AK7: variants seen among roughly 807,000 people sequenced by gnomAD.
AK7 encodes the protein adenylate kinase 7.
Under a neutral mutation model 96.6 loss-of-function variants are expected in AK7, and 78 were observed. That is an observed-to-expected ratio of 0.81 (90% CI 0.67 to 0.97). The LOEUF (loss-of-function observed/expected upper bound fraction) is 0.97. AK7 is among the 50% of genes least tolerant of loss of function. The probability of loss-of-function intolerance (pLI) is 0.00; values close to 1 mark genes in which losing one functional copy is unlikely to be tolerated. For synonymous variants in AK7, 302 were observed against 317.2 expected (o/e 0.95, Z 0.51); for missense variants, 855 against 887.9 (o/e 0.96, Z 0.47).
chr14:96,442,918 C>A, intron 7 of AK7, 100 bp downstream of exon 7: 1 of 1,047,786 alleles, frequency 9.5e-7, no homozygotes, highest in Admixed American at 1.8e-5. Flanking sequence ...AAGACCCTTA[C>A]ATGGATTATT....
intron 7 of AK7, among the ~76,000 whole-genome samples, chr14:96,444,026 C>T (rs1488006903): frequency 8.5e-5 from 13 of 152,158 alleles, no homozygotes; most frequent in Admixed American, 8.5e-4. Context: ...CCACCCGCCT[C>T]AGCCTCCCAA....
At chr14:96,412,571 C>CTT (rs772179426) in intron 4 of AK7, among the ~76,000 whole-genome samples, 3 of 137,576 alleles carry the variant, frequency 2.2e-5, no homozygotes, top group Non-Finnish European at 3.2e-5. Flanking sequence ...CCTTGCAGTA[C>CTT]TTTTTTTTTT....
At chr14:96,442,839 G>T (rs368705547) in intron 7 of AK7, 21 bp downstream of exon 7, 2 of 1,601,232 alleles carry the variant, frequency 1.2e-6, no homozygotes, top group Non-Finnish European at 8.6e-7. Context: ...GCCCAGAGAC[G>T]TGACCTTCAC....
chr14:96,458,063 A>C lies in AK7; in HGVS notation c.1228-20A>C, dbSNP rs1894031703. The C allele has an allele frequency of 6.2e-7, 1 of 1,610,444 alleles. No individual in the cohort carries two copies. The highest frequency in any genetic ancestry group is 8.5e-7 in the Non-Finnish European group (1 of 1,178,558). ...TGGATGTGGGGCATCATCCAATGTG[A>C]ATATCCCTGTGGTATGCAGGAGGCG... On this transcript the variant is annotated intron_variant, in intron 11 of 17. Coordinates refer to ENST00000267584, the MANE Select transcript of AK7 (RefSeq NM_152327.5).
Position 96,430,272 on chromosome 14 carries a change from G to A in AK7, c.610-7563G>A, listed in dbSNP as rs558786107. Among the ~76,000 whole-genome samples the A allele has an allele frequency of 8.9e-5, 13 of 146,708 alleles. No individual in the cohort carries two copies. In the South Asian group the frequency reaches 2.4e-3, roughly 27 times the overall value. ...GCTATCTCGGCTCACTGCAAGCTCC[G>A]CCTCCTGGGTTCATGCCATTCTCCT... is the stretch of plus-strand genomic sequence containing the variant. On this transcript the variant is annotated intron_variant, in intron 5 of 17. Transcript: ENST00000267584.
chr14:96,432,072 G>T, intron 5 of AK7, among the ~76,000 whole-genome samples: 1 of 151,890 alleles, frequency 6.6e-6, no homozygotes, highest in East Asian at 1.9e-4. Flanking sequence ...AGTACAATTT[G>T]ACTTCCTCTT....
intron 5 of AK7, among the ~76,000 whole-genome samples, chr14:96,428,073 C>T (rs1262714798): frequency 1.3e-5 from 2 of 152,084 alleles, no homozygotes; most frequent in African/African-American, 4.8e-5. Flanking sequence ...ATTAATTCGT[C>T]ATTTACATTA....
At chr14:96,427,959 A>C (rs1233009430) in intron 5 of AK7, among the ~76,000 whole-genome samples, 1 of 151,816 alleles carries the variant, frequency 6.6e-6, no homozygotes, top group African/African-American at 2.4e-5. Flanking sequence ...AGCTTTGAAA[A>C]CCTGTTTACT....
intron 5 of AK7, among the ~76,000 whole-genome samples, chr14:96,431,016 C>T (rs556042544): frequency 1.3e-5 from 2 of 152,156 alleles, no homozygotes; most frequent in East Asian, 3.9e-4. Flanking sequence ...GTGTATGTGT[C>T]CAGGAATTTA....
Position 96,456,400 on chromosome 14 carries a change from T to C in AK7, c.1152T>C (p.Ala384=). The change falls in exon 11 of 18, where the codon GCT becomes GCC. Residue 384 remains alanine, a synonymous_variant. Transcript: ENST00000267584. ...CTGCTGTGGGAAAATCCAGTATTGC[T>C]AAAGAATTGGCCAACTACTACAAAC... ...GPPAVGKSSI[A]KELANYYKLH... The C allele has an allele frequency of 6.2e-7, 1 of 1,613,946 alleles. No homozygotes were observed.
intron 12 of AK7, among the ~76,000 whole-genome samples, chr14:96,469,086 T>TGAG (rs1198145630): frequency 1.3e-5 from 2 of 152,204 alleles, no homozygotes; most frequent in African/African-American, 4.8e-5. Flanking sequence ...TCTTAATTAC[T>TGAG]GAGCACTTTC....
intron 12 of AK7, among the ~76,000 whole-genome samples, chr14:96,460,475 T>C (rs999635064): frequency 6.6e-6 from 1 of 152,114 alleles, no homozygotes; most frequent in African/African-American, 2.4e-5. Context: ...TAAGTTGGCA[T>C]TGGGTGACAG....
intron 1 of AK7, among the ~76,000 whole-genome samples, chr14:96,395,686 T>C (rs1890025508): frequency 8.7e-6 from 1 of 115,106 alleles, no homozygotes; most frequent in Non-Finnish European, 1.6e-5. Flanking sequence ...GCCTGGGAGG[T>C]ATACATAGGG....
chr14:96,404,894 G>A, intron 3 of AK7, 29 bp downstream of exon 3: 1 of 1,522,346 alleles, frequency 6.6e-7, no homozygotes, highest in African/African-American at 1.4e-5. Flanking sequence ...TTTATCTCCA[G>A]GGATGCTATT....
rs1279717471 is a variant in AK7, at chr14:96,404,826, A to C, written c.364A>C (p.Ser122Arg). Reference sequence around the variant, plus strand: ...TGTTATTATTTATAACATCACTGAGAGCTCACAGCAAATGGAGGAAGCCAT... The same window carrying C: ...TGTTATTATTTATAACATCACTGAGCGCTCACAGCAAATGGAGGAAGCCAT... ...CDVIIYNITE[S>R]SQQMEEAIWA... The change falls in exon 3 of 18, where the codon AGC (serine) becomes CGC (arginine). Residue 122 changes from serine to arginine, a missense_variant. Physicochemically the swap from Ser to Arg is moderately radical, Grantham distance 110. Transcript: ENST00000267584. The C allele has an allele frequency of 3.1e-6, 5 of 1,610,272 alleles. No individual in the cohort carries two copies. The highest frequency in any genetic ancestry group is 2.2e-5 in the East Asian group (1 of 44,820).
Position 96,488,325 on chromosome 14 carries a change from C to T in AK7, c.2154C>T (p.Asn718=). ...VDFLAEYLFK[N]NPEAQ is the part of the protein sequence containing the mutation. ...TGTAGGCAGAATATCTCTTCAAGAA[C>T]AATCCTGAAGCACAGTGAAACTTGA... The change falls in exon 18 of 18, where the codon AAC becomes AAT. Residue 718 remains asparagine, a synonymous_variant. Coordinates refer to ENST00000267584, the MANE Select transcript of AK7 (RefSeq NM_152327.5). 6.2e-7 allele frequency: 1 copy of T among 1,612,158 alleles called. No homozygotes were observed. Among genetic ancestry groups the T allele is most frequent in the Non-Finnish European group, 8.5e-7 (1 of 1,178,526 alleles).
intron 12 of AK7, among the ~76,000 whole-genome samples, chr14:96,463,139 A>AAAACAAAC (rs72136096): frequency 4.4e-4 from 67 of 151,182 alleles, no homozygotes; most frequent in East Asian, 7.8e-4. Flanking sequence ...TCCGCCTCAA[A>AAAACAAAC]AAACAAACAA....
At chr14:96,410,177 G>A (rs567988087) in intron 4 of AK7, among the ~76,000 whole-genome samples, 5 of 152,166 alleles carry the variant, frequency 3.3e-5, no homozygotes, top group African/African-American at 1.2e-4. Context: ...AACCCCTTGA[G>A]GGCAGGGACC....
rs146694881 is a variant in AK7, at chr14:96,478,564, G to A, written c.1655G>A (p.Arg552Gln). The A allele has an allele frequency of 5.5e-5, 88 of 1,614,052 alleles. No homozygotes were observed. The highest frequency in any genetic ancestry group is 6.8e-5 in the Non-Finnish European group (80 of 1,180,048). Residue 552 changes from arginine (R) to glutamine (Q), a missense_variant, in exon 15 of 18, where the codon CGA becomes CAA. Physicochemically the swap from Arg to Gln is conservative, Grantham distance 43. Coordinates refer to ENST00000267584, the MANE Select transcript of AK7 (RefSeq NM_152327.5). ...IVAGTHYSQD[R>Q]FLRALSNYRD... is the part of the protein sequence containing the mutation. ...GCGGGGACCCACTACAGCCAAGACCGATTCCTCCGGGCTCTGAGCAACTAC... is the reference window on the plus strand; with the variant it reads ...GCGGGGACCCACTACAGCCAAGACCAATTCCTCCGGGCTCTGAGCAACTAC...
Sources: gnomAD v4.1 joint callset for allele counts (sites outside exome capture counted in the v4.1 genomes callset) on GRCh38, gnomAD v4.1.1 for gene constraint, MANE v1.5 for transcripts, NCBI Gene and HGNC (gene_info 2026-07-23, HGNC 2026-07-21) for gene names.